Variants in TMPRSS2 observed in about 807,000 individuals in gnomAD.
TMPRSS2 encodes the protein transmembrane serine protease 2.
In TMPRSS2, 59 loss-of-function variants were observed where a neutral mutation model predicts 67.4. The ratio of observed to expected loss-of-function variants is 0.88; its 90% CI spans 0.71 to 1.09. The LOEUF is 1.09. Ranked by LOEUF, TMPRSS2 falls within the 50% of genes least tolerant of loss-of-function variation. The probability of loss-of-function intolerance (pLI) is 0.00; values close to 1 mark genes in which losing one functional copy is unlikely to be tolerated. For synonymous variants in TMPRSS2, 257 were observed against 257.0 expected, an observed-to-expected ratio of 1.00 and a Z score of 0.00; for missense variants, 668 against 642.7, an observed-to-expected ratio of 1.04 and a Z score of -0.43.
intron 3 of TMPRSS2, among the ~76,000 whole-genome samples, chr21:41,494,141 C>T (rs1000568527): frequency 2.0e-5 from 3 of 152,204 alleles, no homozygotes; most frequent in South Asian, 4.1e-4. Flanking sequence ...GAGGTATCTG[C>T]AGGCCCTGGG....
intron 5 of TMPRSS2, among the ~76,000 whole-genome samples, chr21:41,486,084 G>T (rs191681503): frequency 1.1e-4 from 17 of 152,308 alleles, no homozygotes; most frequent in Admixed American, 9.1e-4. Flanking sequence ...AACTCCAGGA[G>T]GTTAGGACTG....
At chr21:41,492,830 C>T (rs1337305373) in intron 3 of TMPRSS2, among the ~76,000 whole-genome samples, 1 of 152,206 alleles carries the variant, frequency 6.6e-6, no homozygotes, top group African/African-American at 2.4e-5. Flanking sequence ...CTGGTGGGAA[C>T]ACCACCGTCT....
chr21:41,497,988 G>C (rs545663631), intron 2 of TMPRSS2, 131 bp downstream of exon 2: 24 of 679,736 alleles, frequency 3.5e-5, no homozygotes, highest in Non-Finnish European at 5.4e-5. Flanking sequence ...AGGGTGCCTT[G>C]AACAGCATCA....
chr21:41,503,741 C>A (rs1033407344), intron 1 of TMPRSS2, among the ~76,000 whole-genome samples: 8 of 152,336 alleles, frequency 5.3e-5, no homozygotes, highest in African/African-American at 1.9e-4. Flanking sequence ...AGGATCATTT[C>A]TCCAACATAT....
chr21:41,470,458 A>G (rs2091122777), intron 11 of TMPRSS2, among the ~76,000 whole-genome samples, 190 bp downstream of exon 11: 1 of 152,242 alleles, frequency 6.6e-6, no homozygotes, highest in African/African-American at 2.4e-5. Context: ...AACACAGTGT[A>G]TTAGGTAGGC....
chr21:41,481,416 A>G (rs2091256295), intron 5 of TMPRSS2, among the ~76,000 whole-genome samples: 1 of 152,174 alleles, frequency 6.6e-6, no homozygotes, highest in South Asian at 2.1e-4. Context: ...GAATGCCTAG[A>G]GTAGGAAATC....
At chr21:41,467,671 C>T in intron 13 of TMPRSS2, 63 bp downstream of exon 13, 1 of 1,588,132 alleles carries the variant, frequency 6.3e-7, no homozygotes, top group Non-Finnish European at 8.6e-7. Context: ...CCACGCCTAA[C>T]AGATGTCTGG....
Position 41,476,638 on chromosome 21 carries a change from G to C in TMPRSS2, c.684-18C>G. The stretch of plus-strand genomic sequence containing the variant: ...AGGCATCACTGCAAAAAGAACAGGG[G>C]AAATTCTGGTCACGATAGTGCGGAG... On this transcript the variant is annotated intron_variant, in intron 7 of 13. Coordinates refer to ENST00000332149, the MANE Select transcript of TMPRSS2 (RefSeq NM_005656.4). The C allele has an allele frequency of 6.3e-7, 1 of 1,586,096 alleles. No homozygotes were observed. Among genetic ancestry groups the C allele is most frequent in the Non-Finnish European group, 8.6e-7 (1 of 1,156,810 alleles).
At chr21:41,504,708 T>C (rs2091445857) in intron 1 of TMPRSS2, among the ~76,000 whole-genome samples, 2 of 152,090 alleles carry the variant, frequency 1.3e-5, no homozygotes, top group African/African-American at 2.4e-5. Context: ...TCAATGGCCA[T>C]GGGGACATCA....
At chr21:41,490,207 TAA>T (rs760337568) in intron 3 of TMPRSS2, among the ~76,000 whole-genome samples, 19 of 135,628 alleles carry the variant, frequency 1.4e-4, no homozygotes, top group Admixed American at 3.0e-4. Context: ...ATGATTAATG[TAA>T]AAAAAAAAAA....
chr21:41,493,368 G>C (rs1432996688), intron 3 of TMPRSS2, among the ~76,000 whole-genome samples: 1 of 152,138 alleles, frequency 6.6e-6, no homozygotes, highest in East Asian at 1.9e-4. Context: ...GGGTGAGGGG[G>C]TGAGAGGAGG....
rs775404304 is a variant in TMPRSS2, at chr21:41,473,469, C to T, written c.755G>A (p.Arg252His). ...IACGVNLNSSRQSRIVGGESA... is the reference protein window; with the variant it reads ...IACGVNLNSSHQSRIVGGESA... ...CTCGCCGCCCACAATCCTGCTCTGGCGGCTTGAGTTCAAGTTGACCCCGCA... is the reference window on the plus strand; with the variant it reads ...CTCGCCGCCCACAATCCTGCTCTGGTGGCTTGAGTTCAAGTTGACCCCGCA... The change falls in exon 9 of 14, where the codon CGC becomes CAC. Residue 252 changes from arginine to histidine, a missense_variant. By Grantham distance (29) the Arg-to-His change is conservative (BLOSUM62 0). Transcript: ENST00000332149. The T allele has an allele frequency of 1.8e-5, 29 of 1,609,282 alleles. No individual in the cohort carries two copies. The highest frequency in any genetic ancestry group is 3.4e-4 in the Middle Eastern group (2 of 5,828).
At chr21:41,497,912 A>G (rs1417224933) in intron 2 of TMPRSS2, among the ~76,000 whole-genome samples, 1 of 152,182 alleles carries the variant, frequency 6.6e-6, no homozygotes, top group East Asian at 1.9e-4. Flanking sequence ...CGTGTACCCA[A>G]CAGCCATGGC....
Position 41,498,226 on chromosome 21 carries a change from A to T in TMPRSS2, c.-56-37T>A, listed in dbSNP as rs879154643. The T allele has an allele frequency of 2.1e-6, 3 of 1,405,220 alleles. No individual in the cohort carries two copies. In the South Asian group the frequency reaches 3.7e-5, roughly 17 times the overall value. 87.0% of individuals were successfully genotyped at this position (1,405,220 alleles called of 1,614,324 possible). A position where few individuals can be genotyped will look rare whatever the true frequency, so the allele number is the denominator to read the frequency against. On this transcript the variant is annotated intron_variant, in intron 1 of 13. Coordinates refer to ENST00000332149, the MANE Select transcript of TMPRSS2 (RefSeq NM_005656.4). ...AATTACAGGACTGTAATATTTCCAT[A>T]CCAGTTAGTTTTTAGAAGATAAATC...
chr21:41,476,920 C>T (rs1044830021), intron 7 of TMPRSS2, among the ~76,000 whole-genome samples: 2 of 152,182 alleles, frequency 1.3e-5, no homozygotes, highest in Non-Finnish European at 2.9e-5. Context: ...TACAATAATG[C>T]TAGTTTTGTT....
intron 1 of TMPRSS2, chr21:41,506,565 C>T (rs2091459606): frequency 6.6e-6 from 1 of 152,256 alleles, no homozygotes; most frequent in Non-Finnish European, 1.5e-5. Flanking sequence ...GTTACCTAGC[C>T]CACCAGGTCC....
At chr21:41,488,124 T>A (rs2091311103) in intron 5 of TMPRSS2, 2 of 317,936 alleles carry the variant, frequency 6.3e-6, no homozygotes, top group African/African-American at 4.1e-5. Context: ...AGTTTGCTCA[T>A]CTTAACTGAC....
chr21:41,496,336 G>A (rs1039631703), intron 2 of TMPRSS2, among the ~76,000 whole-genome samples: 2 of 152,138 alleles, frequency 1.3e-5, no homozygotes, highest in African/African-American at 2.4e-5. Context: ...GGAATGTATC[G>A]TCATTCACTC....
At chr21:41,506,127 G>C (rs142261174) in intron 1 of TMPRSS2, among the ~76,000 whole-genome samples, 1 of 152,258 alleles carries the variant, frequency 6.6e-6, no homozygotes, top group Non-Finnish European at 1.5e-5. Context: ...GTTCAAGATA[G>C]AGTGGCCAAC....
Sources: allele counts gnomAD v4.1 joint callset (sites outside exome capture counted in the v4.1 genomes callset), GRCh38; gene constraint gnomAD v4.1.1; transcripts MANE v1.5; gene names NCBI Gene and HGNC (gene_info 2026-07-23, HGNC 2026-07-21).